C2orf72: variants seen among roughly 807,000 people sequenced by gnomAD.
The protein encoded by C2orf72 is uncharacterized protein C2orf72.
C2orf72 carries 16 observed loss-of-function variants against 14.4 expected under a neutral mutation model. The observed-to-expected ratio is 1.11, with a 90% CI of 0.75 to 1.69. The LOEUF is 1.69. Among genes scored for constraint, C2orf72 ranks in the 40% most tolerant of loss-of-function variants. C2orf72 has a pLI of 0.00. For missense variants in C2orf72, 371 were observed against 358.3 expected, an observed-to-expected ratio of 1.04 and a Z score of -0.29; for synonymous variants, 168 against 176.8, an observed-to-expected ratio of 0.95 and a Z score of 0.40.
Position 231,046,984 on chromosome 2 carries a change from T to C in C2orf72, c.851T>C (p.Val284Ala), listed in dbSNP as rs1693425937. 6.4e-7 allele frequency: 1 copy of C among 1,551,626 alleles called. No homozygotes were observed. Among genetic ancestry groups the C allele is most frequent in the Non-Finnish European group, 8.7e-7 (1 of 1,146,998 alleles). ...GRGSKACDGVVHTPAEPTGDS... is the reference protein window; with the variant it reads ...GRGSKACDGVAHTPAEPTGDS... ...GGGTCAAAAGCCTGTGATGGAGTCG[T>C]ACACACTCCTGCTGAGCCCACCGGA... Residue 284 changes from valine (V) to alanine (A), a missense_variant, in exon 3 of 3, where the codon GTA becomes GCA. Val to Ala is a moderately conservative substitution (Grantham distance 64). Coordinates refer to ENST00000373640, the MANE Select transcript of C2orf72 (RefSeq NM_001144994.2).
At position 231,047,430 on chromosome 2, in the gene C2orf72, G is replaced by A. The variant is rs1049642536; in HGVS notation, c.*409G>A. The A allele has an allele frequency of 2.0e-5, 7 of 350,894 alleles. No homozygotes were observed. The highest frequency in any genetic ancestry group is 1.3e-4 in the African/African-American group (6 of 46,732). 21.7% of individuals were successfully genotyped at this position (350,894 alleles called of 1,614,324 possible). A position where few individuals can be genotyped will look rare whatever the true frequency, so the allele number is the denominator to read the frequency against. On this transcript the variant is annotated 3_prime_UTR_variant, in exon 3 of 3. Coordinates refer to ENST00000373640, the MANE Select transcript of C2orf72 (RefSeq NM_001144994.2). ...GAACTCTGAACCAGAAGTCATCAGA[G>A]CTGAGGCATGGCCTTGAACATGTCA...
At chr2:231,042,441 G>T (rs7587442) in intron 2 of C2orf72, among the ~76,000 whole-genome samples, 149,083 of 152,308 alleles carry the variant, frequency 0.98, 72,994 homozygotes, top group East Asian at 1. Flanking sequence ...AAAAGTTACA[G>T]GAATGAGGTA....
At position 231,039,176 on chromosome 2, in the gene C2orf72, C is replaced by A. The variant is rs569939416; in HGVS notation, c.634+977C>A. Among the ~76,000 whole-genome samples the A allele has an allele frequency of 3.3e-5, 5 of 151,710 alleles. No homozygotes were observed. In the East Asian group the frequency reaches 9.7e-4, roughly 29 times the overall value. On this transcript the variant is annotated intron_variant, in intron 1 of 2. Transcript: ENST00000373640. ...CATCACACACCAGGGACTGTTGTGG[C>A]GTAGGGGGAGGGAGGAGGGATAGCA...
intron 1 of C2orf72, among the ~76,000 whole-genome samples, chr2:231,040,608 TGG>T (rs1441255276): frequency 3.9e-5 from 6 of 152,358 alleles, no homozygotes; most frequent in South Asian, 4.1e-4. Context: ...ATTTCGCTAG[TGG>T]TTGGATCTGT....
chr2:231,042,280 A>T (rs945494241), intron 2 of C2orf72, among the ~76,000 whole-genome samples: 1 of 152,180 alleles, frequency 6.6e-6, no homozygotes, highest in East Asian at 1.9e-4. Flanking sequence ...CCCCTTATCC[A>T]CGTGAGATGC....
At chr2:231,040,057 T>G (rs1383046927) in intron 1 of C2orf72, among the ~76,000 whole-genome samples, 2 of 152,154 alleles carry the variant, frequency 1.3e-5, no homozygotes, top group Non-Finnish European at 2.9e-5. Context: ...CTAAGCTTTT[T>G]GTAGACACAT....
chr2:231,045,415 G>T (rs1321762805), intron 2 of C2orf72, among the ~76,000 whole-genome samples: 2 of 151,542 alleles, frequency 1.3e-5, no homozygotes, highest in African/African-American at 2.4e-5. Flanking sequence ...GTTTCCACCA[G>T]CATTGCCACA....
At chr2:231,038,336 G>C (rs1574687753) in intron 1 of C2orf72, 137 bp downstream of exon 1, 1 of 712,668 alleles carries the variant, frequency 1.4e-6, no homozygotes. Flanking sequence ...CCTAGAGCCA[G>C]GCCTCGCAGC....
intron 1 of C2orf72, 158 bp from the exon 2 acceptor site, chr2:231,041,138 A>G: frequency 3.7e-6 from 2 of 547,450 alleles, no homozygotes; most frequent in Non-Finnish European, 6.4e-6. Context: ...GGTTTTAAAA[A>G]CCCACCCACT....
intron 2 of C2orf72, 48 bp from the exon 3 acceptor site, chr2:231,046,834 T>C: frequency 2.0e-6 from 3 of 1,514,458 alleles, no homozygotes; most frequent in Non-Finnish European, 2.7e-6. Context: ...GATAACTCAC[T>C]CACAACCTTT....
At chr2:231,041,767 G>C (rs892498946) in intron 2 of C2orf72, among the ~76,000 whole-genome samples, 1 of 152,058 alleles carries the variant, frequency 6.6e-6, no homozygotes, top group Non-Finnish European at 1.5e-5. Context: ...TATTTGATCC[G>C]GGGATGGAGG....
intron 1 of C2orf72, among the ~76,000 whole-genome samples, chr2:231,039,300 G>A (rs1272410506): frequency 7.0e-6 from 1 of 142,578 alleles, no homozygotes; most frequent in Non-Finnish European, 1.5e-5. Context: ...TTGTGCACAT[G>A]TACCCTAAAA....
chr2:231,042,787 C>G (rs983242550), intron 2 of C2orf72, among the ~76,000 whole-genome samples: 5 of 152,170 alleles, frequency 3.3e-5, no homozygotes, highest in African/African-American at 1.2e-4. Context: ...GGCAGATGAC[C>G]TGAGGTCAGG....
At position 231,049,396 on chromosome 2, in the gene C2orf72, G is replaced by C. The variant is rs966709608; in HGVS notation, c.*2375G>C. 1 of 152,194 alleles carries C rather than the reference G, an allele frequency of 6.6e-6. No homozygotes were observed. The highest frequency in any genetic ancestry group is 1.5e-5 in the Non-Finnish European group (1 of 68,056). 9.4% of individuals were successfully genotyped at this position (152,194 alleles called of 1,614,324 possible). A position where few individuals can be genotyped will look rare whatever the true frequency, so the allele number is the denominator to read the frequency against. On this transcript the variant is annotated 3_prime_UTR_variant, in exon 3 of 3. Coordinates refer to ENST00000373640, the MANE Select transcript of C2orf72 (RefSeq NM_001144994.2). ...GCCACCATAAGCATCATCGTTGTAG[G>C]GACAGTCTCATTGCTGTCTTCTAGC...
At position 231,037,706 on chromosome 2, in the gene C2orf72, G is replaced by T; in HGVS notation, c.141G>T (p.Ala47=). 9.7e-7 allele frequency: 1 copy of T among 1,033,018 alleles called. No individual in the cohort carries two copies. The allele number at this position is 1,033,018 out of a possible 1,614,324, so 64.0% of individuals were successfully genotyped here. ...TGTGGGAGCGCGAACAGAGCCGCGC[G>T]CTGCTGCGGGACTTCGCACGGGCGG... ...GELWEREQSR[A]LLRDFARAVF... Residue 47 remains alanine (A), a synonymous_variant, in exon 1 of 3, where the codon GCG becomes GCT. Transcript: ENST00000373640.
chr2:231,040,342 GCAGA>G lies in C2orf72; in HGVS notation c.635-949_635-946del, dbSNP rs575696598. On this transcript the variant is annotated intron_variant, in intron 1 of 2. Transcript: ENST00000373640. ...CATTTCCTGATACCCTGCCTGGCAT[GCAGA>G]CAGAGTGAATGAATCCTCCCTTCCT... is the stretch of plus-strand genomic sequence containing the variant. 1.2e-3 allele frequency among the ~76,000 whole-genome samples: 189 copies of G among 152,344 alleles called. 1 individual carries two copies. Among genetic ancestry groups the G allele is most frequent in the Non-Finnish European group, 2.2e-3 (148 of 68,034 alleles).
chr2:231,046,847 C>T (rs1693424171), intron 2 of C2orf72, 35 bp from the exon 3 acceptor site: 17 of 1,532,410 alleles, frequency 1.1e-5, no homozygotes, highest in Non-Finnish European at 1.4e-5. Flanking sequence ...CAACCTTTCT[C>T]TTCTGATTCA....
chr2:231,047,526 C>A lies in C2orf72; in HGVS notation c.*505C>A. 3.6e-6 allele frequency: 1 copy of A among 279,174 alleles called. No homozygotes were observed. Among genetic ancestry groups the A allele is most frequent in the Non-Finnish European group, 7.1e-6 (1 of 139,882 alleles). 17.3% of individuals were successfully genotyped at this position (279,174 alleles called of 1,614,324 possible). Reference sequence around the variant, plus strand: ...CAGCCCAGTGGCTTTAAACCAGGGGCAGGTTGTCCCTCCAGGCAGCATTGG... The same window carrying A: ...CAGCCCAGTGGCTTTAAACCAGGGGAAGGTTGTCCCTCCAGGCAGCATTGG... On this transcript the variant is annotated 3_prime_UTR_variant, in exon 3 of 3. Coordinates refer to ENST00000373640, the MANE Select transcript of C2orf72 (RefSeq NM_001144994.2).
At chr2:231,041,210 G>A (rs1300222792) in intron 1 of C2orf72, 86 bp from the exon 2 acceptor site, 4 of 924,652 alleles carry the variant, frequency 4.3e-6, no homozygotes, top group Non-Finnish European at 4.8e-6. Context: ...TGACCGTTGG[G>A]GCACTTGATT....
Sources: allele counts gnomAD v4.1 joint callset (sites outside exome capture counted in the v4.1 genomes callset), GRCh38; gene constraint gnomAD v4.1.1; transcripts MANE v1.5; gene names NCBI Gene and HGNC (gene_info 2026-07-23, HGNC 2026-07-21).